Variants in CTNNA3 observed in about 807,000 individuals in gnomAD.
The protein encoded by CTNNA3 is catenin alpha-3.
A neutral mutation model predicts 95.7 loss-of-function variants in CTNNA3; 76 were observed. The ratio of observed to expected loss-of-function variants is 0.79; its 90% CI spans 0.66 to 0.96. The LOEUF is 0.96. Ranked by LOEUF, CTNNA3 falls within the 40% of genes least tolerant of loss-of-function variation. The pLI is 0.00. For synonymous variants in CTNNA3, 431 were observed against 374.4 expected (o/e 1.15, Z -1.74); for missense variants, 1,191 against 1,089.8 (o/e 1.09, Z -1.31).
intron 11 of CTNNA3, among the ~76,000 whole-genome samples, chr10:66,429,690 C>T (rs2093277419): frequency 6.6e-6 from 1 of 152,098 alleles, no homozygotes; most frequent in Non-Finnish European, 1.5e-5. Flanking sequence ...AGGTCTTTGA[C>T]AAAATTCAAC....
intron 9 of CTNNA3, among the ~76,000 whole-genome samples, chr10:66,658,267 T>C (rs1452494722): frequency 1.3e-5 from 2 of 151,018 alleles, no homozygotes; most frequent in Non-Finnish European, 3.0e-5. Context: ...TCTCTCTGCA[T>C]TCATTTCTTC....
At chr10:67,179,067 C>G (rs1441465702) in intron 7 of CTNNA3, among the ~76,000 whole-genome samples, 1 of 151,932 alleles carries the variant, frequency 6.6e-6, no homozygotes, top group Non-Finnish European at 1.5e-5. Context: ...TCAAAATGCA[C>G]CAAATAATTT....
At chr10:66,017,496 A>G (rs1650322115) in intron 15 of CTNNA3, among the ~76,000 whole-genome samples, 2 of 152,212 alleles carry the variant, frequency 1.3e-5, no homozygotes, top group South Asian at 4.1e-4. Flanking sequence ...AATATTATTA[A>G]TATTATTGAA....
chr10:66,684,928 C>A (rs1451033081), intron 9 of CTNNA3, among the ~76,000 whole-genome samples: 3 of 151,228 alleles, frequency 2.0e-5, no homozygotes, highest in African/African-American at 7.3e-5. Flanking sequence ...ATCTTATTGT[C>A]TTTGTTGGCA....
At chr10:66,687,736 C>T (rs1202550485) in intron 9 of CTNNA3, among the ~76,000 whole-genome samples, 4 of 147,748 alleles carry the variant, frequency 2.7e-5, no homozygotes, top group Non-Finnish European at 4.5e-5. Context: ...CACACACATA[C>T]ACACACACAC....
rs892648752 is a variant in CTNNA3 at position 67,490,993 on chromosome 10, C to T, written c.579+30849G>A. On this transcript the variant is annotated intron_variant, in intron 5 of 17. Transcript: ENST00000433211. ...CAGGGATCTTGTAAACCATCCCAAA[C>T]CATCACAGAATTGCTGAGGCTTAAG... is the stretch of plus-strand genomic sequence containing the variant. Among the ~76,000 whole-genome samples the T allele has an allele frequency of 2.0e-5, 3 of 152,058 alleles. No homozygotes were observed. The South Asian group carries it at 6.2e-4, about 32-fold the overall frequency.
Position 66,795,765 on chromosome 10 carries a change from G to A in CTNNA3, c.1048-20241C>T, listed in dbSNP as rs4430405. Among the ~76,000 whole-genome samples, 2,055 of 152,194 alleles carry A rather than the reference G, an allele frequency of 0.014. 88 individuals carry two copies. The East Asian group carries it at 0.16, about 12-fold the overall frequency. On this transcript the variant is annotated intron_variant, in intron 7 of 17. Transcript: ENST00000433211. ...TGTTAAGTGTAACTACTTCATCAAC[G>A]ATCTTAGCTATTATCTTCTGGATAA...
intron 7 of CTNNA3, among the ~76,000 whole-genome samples, chr10:66,893,430 A>C (rs1845348868): frequency 6.6e-6 from 1 of 152,050 alleles, no homozygotes; most frequent in African/African-American, 2.4e-5. Flanking sequence ...TGTCTCTAAC[A>C]ACCAGAGAAT....
chr10:66,962,470 T>G (rs1164030220), intron 7 of CTNNA3, among the ~76,000 whole-genome samples: 1 of 151,672 alleles, frequency 6.6e-6, no homozygotes, highest in Non-Finnish European at 1.5e-5. Flanking sequence ...AGTGCAGTGG[T>G]GTGATCTCTG....
At chr10:67,107,064 G>T (rs900076851) in intron 7 of CTNNA3, among the ~76,000 whole-genome samples, 1 of 152,188 alleles carries the variant, frequency 6.6e-6, no homozygotes, top group African/African-American at 2.4e-5. Context: ...AGTGATAAAT[G>T]ACATAGAACT....
At chr10:65,957,526 A>G (rs2601754) in intron 17 of CTNNA3, among the ~76,000 whole-genome samples, 21,765 of 152,032 alleles carry the variant, frequency 0.14, 1,783 homozygotes, top group South Asian at 0.26. Context: ...AGTGGCTGGT[A>G]CCGGTTGTTC....
chr10:67,710,485 G>A (rs557020294), intron 1 of CTNNA3, among the ~76,000 whole-genome samples: 2 of 152,280 alleles, frequency 1.3e-5, no homozygotes, highest in East Asian at 3.9e-4. Context: ...AGCCAAAAAG[G>A]GGAGAACGTC....
intron 5 of CTNNA3, among the ~76,000 whole-genome samples, chr10:67,394,852 G>T (rs79514935): frequency 0.016 from 2,449 of 151,872 alleles, 46 homozygotes; most frequent in African/African-American, 0.044. Flanking sequence ...CATAGGCAAA[G>T]AACTGACAAA....
At chr10:66,227,252 T>C (rs1158725054) in intron 13 of CTNNA3, among the ~76,000 whole-genome samples, 1 of 152,176 alleles carries the variant, frequency 6.6e-6, no homozygotes. Context: ...GGCATCATTG[T>C]CCTATCCCAG....
intron 13 of CTNNA3, among the ~76,000 whole-genome samples, chr10:66,119,580 T>A (rs962640869): frequency 4.6e-5 from 7 of 152,198 alleles, no homozygotes; most frequent in African/African-American, 1.4e-4. Flanking sequence ...TGTGTAATTG[T>A]AAAGCTTTTT....
chr10:66,603,319 A>T (rs763547794), intron 10 of CTNNA3, among the ~76,000 whole-genome samples: 1 of 152,158 alleles, frequency 6.6e-6, no homozygotes, highest in Non-Finnish European at 1.5e-5. Context: ...AATAAAAAAC[A>T]AGAAAGCAGT....
chr10:66,370,868 C>T (rs1423991860), intron 12 of CTNNA3, among the ~76,000 whole-genome samples: 4 of 152,004 alleles, frequency 2.6e-5, no homozygotes. Context: ...TACCACCATG[C>T]CTGGCTAACA....
At chr10:66,987,794 A>G (rs1380239398) in intron 7 of CTNNA3, among the ~76,000 whole-genome samples, 3 of 152,198 alleles carry the variant, frequency 2.0e-5, no homozygotes, top group Non-Finnish European at 4.4e-5. Context: ...AAATTTGGAT[A>G]AATTTTGCAA....
At chr10:67,656,970 A>C (rs751834863) in intron 1 of CTNNA3, among the ~76,000 whole-genome samples, 9 of 152,230 alleles carry the variant, frequency 5.9e-5, no homozygotes, top group Non-Finnish European at 1.2e-4. Context: ...TACGAAGGGC[A>C]AAAGAAAAAA....
Sources: allele counts gnomAD v4.1 joint callset (sites outside exome capture counted in the v4.1 genomes callset), GRCh38; gene constraint gnomAD v4.1.1; transcripts MANE v1.5; gene names NCBI Gene and HGNC (gene_info 2026-07-23, HGNC 2026-07-21).